Variants in NCOA2 observed in about 807,000 individuals in gnomAD.
The protein encoded by NCOA2 is nuclear receptor coactivator 2.
Under a neutral mutation model 145.1 loss-of-function variants are expected in NCOA2, and 21 were observed. The ratio of observed to expected loss-of-function variants is 0.14; its 90% CI spans 0.10 to 0.21. NCOA2 has a LOEUF of 0.21. Among genes scored for constraint, NCOA2 ranks in the 10% least tolerant of loss-of-function variants. NCOA2 has a pLI of 1.00. For missense variants in NCOA2, 1,472 were observed against 1,837.6 expected, an observed-to-expected ratio of 0.80 and a Z score of 3.64; for synonymous variants, 619 against 637.5, an observed-to-expected ratio of 0.97 and a Z score of 0.44.
rs571126587 is a variant in NCOA2, at chr8:70,124,765, T to C, written c.4017A>G (p.Gln1339=). 9.3e-5 allele frequency: 150 copies of C among 1,613,630 alleles called. No homozygotes were observed. Among genetic ancestry groups the C allele is most frequent in the Non-Finnish European group, 1.2e-4 (137 of 1,179,810 alleles). ...RMAHTQSPMM[Q]QSQANPAYQA... is the part of the protein sequence containing the mutation. ...GATAGGCTGGGTTGGCCTGAGACTG[T>C]TGCATCATGGGACTCTGTGTATGTG... is the stretch of plus-strand genomic sequence containing the variant. Residue 1339 remains glutamine, a synonymous_variant, in exon 20 of 23, where the codon CAA becomes CAG. Transcript: ENST00000452400.
At chr8:70,455,115 C>G in the NCOA2 span, among the ~76,000 whole-genome samples, 2 of 152,340 alleles carry the variant, frequency 1.3e-5, no homozygotes, top group East Asian at 3.9e-4. Flanking sequence ...TAACTTCTTA[C>G]TTCTTTTCAC....
chr8:70,249,017 C>T (rs577596273), intron 2 of NCOA2, among the ~76,000 whole-genome samples: 9 of 152,108 alleles, frequency 5.9e-5, no homozygotes, highest in African/African-American at 2.2e-4. Context: ...CTCCACCCCC[C>T]GGATGGACAT....
In NCOA2 at chr8:70,124,728, C is replaced by T. The variant is rs754086135; in HGVS notation, c.4054G>A (p.Asp1352Asn). The T allele has an allele frequency of 6.8e-6, 11 of 1,612,540 alleles. No individual in the cohort carries two copies. The highest frequency in any genetic ancestry group is 3.4e-5 in the Admixed American group (2 of 59,680). ...TTCCCCTGCGCCCATCCATTTATGT[C>T]GGAGGGGGCCTGATAGGCTGGGTTG... ...QANPAYQAPSDINGWAQGNMG... is the reference protein window; with the variant it reads ...QANPAYQAPSNINGWAQGNMG... Residue 1352 changes from aspartate to asparagine, a missense_variant, in exon 20 of 23, where the codon GAC (aspartate) becomes AAC (asparagine). This residue lies in a region of NCOA2 where 232 missense variants were observed against 290.6 expected (regional missense o/e 0.80). Coordinates refer to ENST00000452400, the MANE Select transcript of NCOA2 (RefSeq NM_006540.4).
chr8:70,188,839 T>C (rs1198431532), intron 4 of NCOA2, among the ~76,000 whole-genome samples: 4 of 152,180 alleles, frequency 2.6e-5, no homozygotes, highest in South Asian at 2.1e-4. Context: ...TTTTGTGACA[T>C]TGCTGTTATG....
intron 2 of NCOA2, among the ~76,000 whole-genome samples, chr8:70,238,224 A>G (rs1821822315): frequency 2.0e-5 from 3 of 152,196 alleles, no homozygotes; most frequent in South Asian, 2.1e-4. Flanking sequence ...AATACACCAC[A>G]TGTGTTAAAG....
the NCOA2 span, among the ~76,000 whole-genome samples, chr8:70,416,294 C>T: frequency 2.0e-5 from 3 of 151,048 alleles, no homozygotes; most frequent in Admixed American, 1.3e-4. Flanking sequence ...TTCAGAGCAA[C>T]ATCTAGACTA....
intron 15 of NCOA2, among the ~76,000 whole-genome samples, chr8:70,136,385 T>C (rs1425542227): frequency 6.6e-6 from 1 of 151,710 alleles, no homozygotes; most frequent in Non-Finnish European, 1.5e-5. Flanking sequence ...CAAACAAAAA[T>C]CCACCAAATT....
chr8:70,374,533 T>C lies in NCOA2; in HGVS notation c.-77+29167A>G, dbSNP rs145229695. On this transcript the variant is annotated intron_variant, in intron 1 of 22. Transcript: ENST00000452400. Reference sequence around the variant, plus strand: ...TAAAAGAAAGTGAGGCCAGGTGCTGTGGCTCACACCTGTTATCCCAACAAC... The same window carrying C: ...TAAAAGAAAGTGAGGCCAGGTGCTGCGGCTCACACCTGTTATCCCAACAAC... Among the ~76,000 whole-genome samples the C allele has an allele frequency of 9.3e-3, 1,407 of 151,396 alleles. 22 individuals carry two copies. The highest frequency in any genetic ancestry group is 0.032 in the African/African-American group (1,311 of 41,308).
At chr8:70,404,046 G>C (rs1160427352), upstream of NCOA2, among the ~76,000 whole-genome samples, 1 of 152,182 alleles carries the variant, frequency 6.6e-6, no homozygotes, top group Non-Finnish European at 1.5e-5. Flanking sequence ...CCCGAGGAAG[G>C]GGCAAAGGTG....
intron 1 of NCOA2, among the ~76,000 whole-genome samples, chr8:70,391,048 G>A (rs1426676096): frequency 3.9e-5 from 6 of 152,012 alleles, no homozygotes; most frequent in African/African-American, 1.5e-4. Context: ...GGTAAGGTTA[G>A]GTATAAAGTA....
intron 11 of NCOA2, among the ~76,000 whole-genome samples, chr8:70,154,263 C>G (rs953133325): frequency 2.4e-4 from 36 of 152,196 alleles, no homozygotes; most frequent in Non-Finnish European, 1.5e-5. Context: ...CACTTCTTAA[C>G]CAATCATGAC....
chr8:70,437,672 A>AT, the NCOA2 span, among the ~76,000 whole-genome samples: 1 of 152,046 alleles, frequency 6.6e-6, no homozygotes, highest in Admixed American at 6.5e-5. Flanking sequence ...TCTCCTATAT[A>AT]TTTTTTCTAA....
intron 6 of NCOA2, among the ~76,000 whole-genome samples, chr8:70,168,826 C>T (rs1425280318): frequency 2.0e-5 from 3 of 152,154 alleles, no homozygotes; most frequent in African/African-American, 7.2e-5. Context: ...CATAAAACTA[C>T]TGAAGAGATC....
the NCOA2 span, among the ~76,000 whole-genome samples, chr8:70,437,215 G>A: frequency 2.6e-4 from 40 of 152,210 alleles, no homozygotes; most frequent in African/African-American, 9.2e-4. Context: ...TTATCCTTCA[G>A]ACCCCAGCCC....
Position 70,396,897 on chromosome 8 carries a change from T to C in NCOA2, c.-77+6803A>G, listed in dbSNP as rs563640494. Among the ~76,000 whole-genome samples the C allele has an allele frequency of 1.1e-4, 16 of 152,344 alleles. No homozygotes were observed. In the South Asian group the frequency reaches 2.9e-3, roughly 28 times the overall value. ...CTTTTTCAGATTCAACCATTCCCTC[T>C]GATGTTTATTATTTATTTCCCCCAC... is the stretch of plus-strand genomic sequence containing the variant. On this transcript the variant is annotated intron_variant, in intron 1 of 22. Coordinates refer to ENST00000452400, the MANE Select transcript of NCOA2 (RefSeq NM_006540.4).
chr8:70,338,472 C>T (rs1807833775), intron 1 of NCOA2, among the ~76,000 whole-genome samples: 1 of 152,046 alleles, frequency 6.6e-6, no homozygotes, highest in South Asian at 2.1e-4. Flanking sequence ...AAAAAAGGCC[C>T]AGGACCAGAG....
At chr8:70,381,987 G>A (rs1812231326) in intron 1 of NCOA2, among the ~76,000 whole-genome samples, 1 of 152,036 alleles carries the variant, frequency 6.6e-6, no homozygotes, top group African/African-American at 2.4e-5. Flanking sequence ...TCCAACTCAG[G>A]GATAGAGGAG....
At chr8:70,307,104 A>T (rs1288737411) in intron 1 of NCOA2, among the ~76,000 whole-genome samples, 1 of 151,916 alleles carries the variant, frequency 6.6e-6, no homozygotes, top group Non-Finnish European at 1.5e-5. Flanking sequence ...TATCAAGAAG[A>T]TACTTTCTAA....
At chr8:70,388,203 T>C (rs982614363) in intron 1 of NCOA2, among the ~76,000 whole-genome samples, 5 of 152,250 alleles carry the variant, frequency 3.3e-5, no homozygotes, top group Admixed American at 6.5e-5. Context: ...GCTTTCCCTA[T>C]ATTCAAAATA....
Sources: gnomAD v4.1 joint callset for allele counts (sites outside exome capture counted in the v4.1 genomes callset) on GRCh38, gnomAD v4.1.1 for gene constraint, gnomAD v4.1.1 regional missense constraint, MANE v1.5 for transcripts, NCBI Gene and HGNC (gene_info 2026-07-23, HGNC 2026-07-21) for gene names.